The following SC5D variants were observed in gnomAD, a reference collection of about 807,000 sequenced individuals.
SC5D encodes the protein sterol-C5-desaturase.
SC5D carries 21 observed loss-of-function variants against 23.9 expected under a neutral mutation model. The observed-to-expected ratio is 0.88, with a 90% confidence interval of 0.62 to 1.26. The LOEUF is 1.26. SC5D is among the 50% of genes most tolerant of loss of function. SC5D has a pLI of 0.00. For synonymous variants in SC5D, 113 were observed against 125.9 expected (o/e 0.90, Z 0.68); for missense variants, 309 against 364.8 (o/e 0.85, Z 1.25).
chr11:121,311,191 T>C lies in SC5D; in HGVS notation c.*3679T>C, dbSNP rs1198717369. Among the ~76,000 whole-genome samples the C allele has an allele frequency of 6.6e-6, 1 of 152,252 alleles. No homozygotes were observed. The highest frequency in any genetic ancestry group is 1.5e-5 in the Non-Finnish European group (1 of 68,042). ...TGGTTAAAGTTCAATAAATACTTTG[T>C]TGAATTTATTAATAAAATGGCAGAA... On this transcript the variant is annotated 3_prime_UTR_variant, in exon 5 of 5. Transcript: ENST00000264027.
rs74773285 is a variant in SC5D, at chr11:121,297,555, G to A, written c.-11+4739G>A. ...TTGGCACACCTACCAGGTATTCCTG[G>A]TGTTTTTTATTGTTTTGTTAATTTG... On this transcript the variant is annotated intron_variant, in intron 1 of 4. Coordinates refer to ENST00000264027, the MANE Select transcript of SC5D (RefSeq NM_006918.5). 9.2e-5 allele frequency among the ~76,000 whole-genome samples: 14 copies of A among 152,314 alleles called. No individual in the cohort carries two copies. The East Asian group carries it at 2.7e-3, about 29-fold the overall frequency.
chr11:121,298,719 G>C (rs1285130343), intron 1 of SC5D, among the ~76,000 whole-genome samples: 1 of 152,138 alleles, frequency 6.6e-6, no homozygotes, highest in South Asian at 2.1e-4. Flanking sequence ...TAATTGTCAC[G>C]CACGTCCATG....
In SC5D at chr11:121,304,456, C is replaced by T. The variant is rs1433538203; in HGVS notation, c.306C>T (p.Tyr102=). 7.4e-6 allele frequency: 12 copies of T among 1,613,338 alleles called. No individual in the cohort carries two copies. The highest frequency in any genetic ancestry group is 1.7e-4 in the Middle Eastern group (1 of 6,056). The change falls in exon 3 of 5, where the codon TAC becomes TAT. Residue 102 remains tyrosine, a synonymous_variant. Transcript: ENST00000264027. ...VALFLLEIRG[Y]SKLHDDLGEF... is the part of the protein sequence containing the mutation. ...TGTTCTTGCTGGAGATAAGAGGTTA[C>T]AGCAAATTACATGATGACCTAGGAG...
At chr11:121,298,653 T>C (rs1011943048) in intron 1 of SC5D, among the ~76,000 whole-genome samples, 1 of 152,174 alleles carries the variant, frequency 6.6e-6, no homozygotes, top group Non-Finnish European at 1.5e-5. Flanking sequence ...TCCTGATGCT[T>C]CTGTTCGGCA....
In SC5D at chr11:121,304,491, A is replaced by G. The variant is rs761081505; in HGVS notation, c.341A>G (p.Tyr114Cys). The G allele has an allele frequency of 1.2e-6, 2 of 1,613,436 alleles. No homozygotes were observed. The highest frequency in any genetic ancestry group is 1.1e-5 in the South Asian group (1 of 91,076). ...KLHDDLGEFP[Y>C]GLFELVVSII... ...CATGATGACCTAGGAGAGTTTCCAT[A>G]TGGTAAGTAAATAACACGAGTGTCA... Residue 114 changes from tyrosine (Y) to cysteine (C), a missense_variant and splice_region_variant, in exon 3 of 5, where the codon TAT (tyrosine) becomes TGT (cysteine). Tyr to Cys is a radical substitution (Grantham distance 194, BLOSUM62 -2). Coordinates refer to ENST00000264027, the MANE Select transcript of SC5D (RefSeq NM_006918.5).
Position 121,304,652 on chromosome 11 carries a change from CAT to C in SC5D, c.343+160_343+161del, listed in dbSNP as rs1412736184. 11 of 643,814 alleles carry C rather than the reference CAT, an allele frequency of 1.7e-5. No homozygotes were observed. In the East Asian group the frequency reaches 2.9e-4, roughly 17 times the overall value. 39.9% of individuals were successfully genotyped at this position (643,814 alleles called of 1,614,324 possible). Reference sequence around the variant, plus strand: ...ATTTTCATGTGTTCATGTCTTGCCACATGTGCATTTCTTTAGTTTTTCTATCA... The same window carrying C: ...ATTTTCATGTGTTCATGTCTTGCCACGTGCATTTCTTTAGTTTTTCTATCA... On this transcript the variant is annotated intron_variant, in intron 3 of 4. Transcript: ENST00000264027.
intron 1 of SC5D, among the ~76,000 whole-genome samples, chr11:121,296,338 GTC>G (rs1947889316): frequency 6.6e-6 from 1 of 152,100 alleles, no homozygotes; most frequent in South Asian, 2.1e-4. Flanking sequence ...TCCTTTACAA[GTC>G]CATCCCCTAA....
chr11:121,297,485 T>G (rs566932539), intron 1 of SC5D, among the ~76,000 whole-genome samples: 1 of 152,344 alleles, frequency 6.6e-6, no homozygotes, highest in African/African-American at 2.4e-5. Flanking sequence ...CAAAATCATT[T>G]GATGACAAAT....
intron 1 of SC5D, among the ~76,000 whole-genome samples, chr11:121,298,293 A>G (rs933176798): frequency 2.9e-4 from 44 of 152,212 alleles, no homozygotes; most frequent in Non-Finnish European, 2.9e-5. Context: ...ATGCCTGACC[A>G]GAATACAATC....
chr11:121,307,366 G>T lies in SC5D; in HGVS notation c.754G>T (p.Gly252Cys). Residue 252 changes from glycine to cysteine, a missense_variant, in exon 5 of 5, where the codon GGC becomes TGC. Coordinates refer to ENST00000264027, the MANE Select transcript of SC5D (RefSeq NM_006918.5). ...TTTCACTTTGTGGGATAGGATTGGC[G>T]GCTCATTCAAAAATCCTTCATCCTT... is the stretch of plus-strand genomic sequence containing the variant. ...QYFTLWDRIG[G>C]SFKNPSSFEG... The T allele has an allele frequency of 6.2e-7, 1 of 1,613,970 alleles. No homozygotes were observed. The highest frequency in any genetic ancestry group is 1.1e-5 in the South Asian group (1 of 91,068).
chr11:121,303,301 T>C, intron 1 of SC5D, 65 bp from the exon 2 acceptor site: 1 of 1,342,490 alleles, frequency 7.4e-7, no homozygotes, highest in South Asian at 1.2e-5. Context: ...ATAGTGTTTC[T>C]GAAAAATTTT....
rs1193940960 is a variant in SC5D, at chr11:121,312,497, T to C, written c.*4985T>C. Among the ~76,000 whole-genome samples, 1 of 152,202 alleles carries C rather than the reference T, an allele frequency of 6.6e-6. No individual in the cohort carries two copies. The highest frequency in any genetic ancestry group is 1.5e-5 in the Non-Finnish European group (1 of 68,010). On this transcript the variant is annotated 3_prime_UTR_variant, in exon 5 of 5. Coordinates refer to ENST00000264027, the MANE Select transcript of SC5D (RefSeq NM_006918.5). ...ACATTTGATAAGAGATTTAATATTT[T>C]GATCCAACTACCAAAAAAGCAGACT...
At position 121,307,432 on chromosome 11, in the gene SC5D, G is replaced by A. The variant is rs1947975327; in HGVS notation, c.820G>A (p.Glu274Lys). ...GCTCAGTTATGTGAAGGAGATGACA[G>A]AGGGAAAGCGCAGCAGCCATTCAGG... ...GPLSYVKEMT[E>K]GKRSSHSGNG... Residue 274 changes from glutamate to lysine, a missense_variant, in exon 5 of 5, where the codon GAG becomes AAG. By Grantham distance (56) the Glu-to-Lys change is moderately conservative. Coordinates refer to ENST00000264027, the MANE Select transcript of SC5D (RefSeq NM_006918.5). The A allele has an allele frequency of 6.2e-7, 1 of 1,611,026 alleles. No homozygotes were observed. Among genetic ancestry groups the A allele is most frequent in the African/African-American group, 1.3e-5 (1 of 74,720 alleles).
intron 4 of SC5D, 139 bp downstream of exon 4, chr11:121,306,625 G>T (rs1395691962): frequency 4.3e-6 from 3 of 701,908 alleles, no homozygotes; most frequent in Non-Finnish European, 7.8e-6. Flanking sequence ...CAGGTACAGG[G>T]TGCATTTTGT....
chr11:121,304,618 T>A, intron 3 of SC5D, 125 bp downstream of exon 3: 1 of 859,418 alleles, frequency 1.2e-6, no homozygotes, highest in Non-Finnish European at 1.9e-6. Flanking sequence ...AGTTGTTTTT[T>A]AATGTTCTAT....
chr11:121,299,342 G>T (rs1212510281), intron 1 of SC5D, among the ~76,000 whole-genome samples: 1 of 152,088 alleles, frequency 6.6e-6, no homozygotes, highest in Non-Finnish European at 1.5e-5. Context: ...CAGATGTAAT[G>T]AACATTTATT....
intron 4 of SC5D, 117 bp downstream of exon 4, chr11:121,306,603 C>G (rs1565570069): frequency 1.1e-5 from 8 of 712,900 alleles, no homozygotes; most frequent in Non-Finnish European, 1.5e-5. Context: ...GTCTAAGTAG[C>G]CATAATCATA....
At chr11:121,306,795 T>C in intron 4 of SC5D, 5 of 621,186 alleles carry the variant, frequency 8.0e-6, no homozygotes. Flanking sequence ...TTGGGTACAA[T>C]GTGCACTCTT....
At chr11:121,301,085 A>T (rs1947922902) in intron 1 of SC5D, among the ~76,000 whole-genome samples, 1 of 152,212 alleles carries the variant, frequency 6.6e-6, no homozygotes, top group Non-Finnish European at 1.5e-5. Context: ...ATAAAAAATT[A>T]AAAAACACAA....
Sources: allele counts gnomAD v4.1 joint callset (sites outside exome capture counted in the v4.1 genomes callset), GRCh38; gene constraint gnomAD v4.1.1; transcripts MANE v1.5; gene names NCBI Gene and HGNC (gene_info 2026-07-23, HGNC 2026-07-21).